Variants in TMEM79 observed in about 807,000 individuals in gnomAD.
TMEM79 encodes transmembrane protein 79.
A neutral mutation model predicts 31.2 loss-of-function variants in TMEM79; 30 were observed. That is an observed-to-expected ratio of 0.96 (90% CI 0.72 to 1.30). The LOEUF (loss-of-function observed/expected upper bound fraction) is 1.30. TMEM79 is among the 50% of genes most tolerant of loss of function. The pLI is 0.00. For missense variants in TMEM79, 509 were observed against 528.2 expected (o/e 0.96, Z 0.36); for synonymous variants, 213 against 229.5 (o/e 0.93, Z 0.65).
Position 156,285,246 on chromosome 1 carries a change from T to C in TMEM79, c.20T>C (p.Leu7Pro), listed in dbSNP as rs758140988. Residue 7 changes from leucine (L) to proline (P), a missense_variant, in exon 2 of 4, where the codon CTG (leucine) becomes CCG (proline). Transcript: ENST00000405535. Reference sequence around the variant, plus strand: ...CCCAGGATGACAGAACAGGAGACCCTGGCCCTACTGGAAGTGAAGAGGTCT... The same window carrying C: ...CCCAGGATGACAGAACAGGAGACCCCGGCCCTACTGGAAGTGAAGAGGTCT... Reference protein sequence around the residue: MTEQETLALLEVKRSDS... With the variant: MTEQETPALLEVKRSDS... 20 of 1,545,204 alleles carry C rather than the reference T, an allele frequency of 1.3e-5. No homozygotes were observed. The East Asian group carries it at 3.8e-4, about 30-fold the overall frequency.
intron 3 of TMEM79, 52 bp from the exon 4 acceptor site, chr1:156,291,333 C>T: frequency 1.6e-5 from 25 of 1,554,252 alleles, no homozygotes; most frequent in Non-Finnish European, 2.1e-5. Flanking sequence ...TATTGCCAAT[C>T]AGCTGACGCG....
At position 156,291,705 on chromosome 1, in the gene TMEM79, G is replaced by A; in HGVS notation, c.*107G>A. The A allele has an allele frequency of 2.1e-6, 2 of 973,006 alleles. No individual in the cohort carries two copies. The highest frequency in any genetic ancestry group is 3.2e-6 in the Non-Finnish European group (2 of 628,982). The allele number at this position is 973,006 out of a possible 1,614,324, so 60.3% of individuals were successfully genotyped here. A position where few individuals can be genotyped will look rare whatever the true frequency, so the allele number is the denominator to read the frequency against. On this transcript the variant is annotated 3_prime_UTR_variant, in exon 4 of 4. Transcript: ENST00000405535. ...TCGCCCCCAGGCCTAGGACCGCGGT[G>A]GGTGGAACCCTGCTACTGCCCCAAC...
intron 3 of TMEM79, among the ~76,000 whole-genome samples, chr1:156,289,233 G>A (rs962019141): frequency 6.6e-6 from 1 of 152,188 alleles, no homozygotes; most frequent in African/African-American, 2.4e-5. Flanking sequence ...CCAGCACTTT[G>A]GGAGGCCAAG....
chr1:156,289,607 G>C (rs1316782697), intron 3 of TMEM79, among the ~76,000 whole-genome samples: 2 of 152,132 alleles, frequency 1.3e-5, no homozygotes, highest in Non-Finnish European at 2.9e-5. Context: ...GCGAGACTCT[G>C]TCTCAAAAAA....
rs1558253699 is a variant in TMEM79, at chr1:156,291,546, A to C, written c.1133A>C (p.Tyr378Ser). 5 of 1,609,818 alleles carry C rather than the reference A, an allele frequency of 3.1e-6. No individual in the cohort carries two copies. The highest frequency in any genetic ancestry group is 4.2e-6 in the Non-Finnish European group (5 of 1,179,916). ...ACTGCCACCGAGAGCCGCCTGGACTACCCGGACCACGCCCGCTCGGCCTCC... is the reference window on the plus strand; with the variant it reads ...ACTGCCACCGAGAGCCGCCTGGACTCCCCGGACCACGCCCGCTCGGCCTCC... ...MLTATESRLDYPDHARSASDY... is the reference protein window; with the variant it reads ...MLTATESRLDSPDHARSASDY... The change falls in exon 4 of 4, where the codon TAC becomes TCC. Residue 378 changes from tyrosine to serine, a missense_variant. By Grantham distance (144) the Tyr-to-Ser change is moderately radical (BLOSUM62 -2). Coordinates refer to ENST00000405535, the MANE Select transcript of TMEM79 (RefSeq NM_032323.3).
upstream of TMEM79, among the ~76,000 whole-genome samples, chr1:156,283,351 C>T (rs900909386): frequency 6.6e-6 from 1 of 152,156 alleles, no homozygotes; most frequent in African/African-American, 2.4e-5. Flanking sequence ...GCTTGCATAT[C>T]TATCTCTTAC....
At position 156,291,358 on chromosome 1, in the gene TMEM79, A is replaced by T. The variant is rs1663321738; in HGVS notation, c.972-27A>T. 1.9e-6 allele frequency: 3 copies of T among 1,609,758 alleles called. No individual in the cohort carries two copies. In the East Asian group the frequency reaches 6.7e-5, roughly 36 times the overall value. On this transcript the variant is annotated intron_variant, in intron 3 of 3. Coordinates refer to ENST00000405535, the MANE Select transcript of TMEM79 (RefSeq NM_032323.3). The stretch of plus-strand genomic sequence containing the variant: ...CAGCTGACGCGCTTCCCTCGAGAGT[A>T]GCCTGACCCTTTTCTTGCCCCCATA...
At position 156,285,709 on chromosome 1, in the gene TMEM79, C is replaced by T; in HGVS notation, c.483C>T (p.Pro161=). ...AGGGCGAGTGCCGAACCTTCATGCC[C>T]CCCCGGGTCACCCACCCCGACCCCA... ...AGEGECRTFM[P]PRVTHPDPTE... The change falls in exon 2 of 4, where the codon CCC becomes CCT. Residue 161 remains proline (P), a synonymous_variant. Transcript: ENST00000405535. The T allele has an allele frequency of 6.2e-7, 1 of 1,613,386 alleles. No individual in the cohort carries two copies. The highest frequency in any genetic ancestry group is 1.1e-5 in the South Asian group (1 of 91,080).
chr1:156,291,007 G>GT, intron 3 of TMEM79: 2 of 225,634 alleles, frequency 8.9e-6, no homozygotes, highest in Admixed American at 5.1e-5. Context: ...AGGTGTGGTG[G>GT]CCCGCATCTG....
chr1:156,285,269 T>A lies in TMEM79; in HGVS notation c.43T>A (p.Ser15Thr). ...CCTGGCCCTACTGGAAGTGAAGAGGTCTGATTCCCCAGAGAAGAGCTCACC... is the reference window on the plus strand; with the variant it reads ...CCTGGCCCTACTGGAAGTGAAGAGGACTGATTCCCCAGAGAAGAGCTCACC... ...ETLALLEVKR[S>T]DSPEKSSPQA... is the part of the protein sequence containing the mutation. Residue 15 changes from serine to threonine, a missense_variant, in exon 2 of 4, where the codon TCT becomes ACT. Physicochemically the swap from Ser to Thr is moderately conservative, Grantham distance 58. Coordinates refer to ENST00000405535, the MANE Select transcript of TMEM79 (RefSeq NM_032323.3). The A allele has an allele frequency of 6.4e-7, 1 of 1,562,696 alleles. No homozygotes were observed. Among genetic ancestry groups the A allele is most frequent in the Non-Finnish European group, 8.6e-7 (1 of 1,158,460 alleles).
upstream of TMEM79, chr1:156,283,215 A>G: frequency 5.3e-6 from 1 of 189,290 alleles, no homozygotes; most frequent in Non-Finnish European, 1.1e-5. Flanking sequence ...CCCATAATTT[A>G]AACAAACAAA....
chr1:156,289,614 A>C (rs1663258331), intron 3 of TMEM79, among the ~76,000 whole-genome samples: 1 of 152,208 alleles, frequency 6.6e-6, no homozygotes, highest in South Asian at 2.1e-4. Flanking sequence ...TCTGTCTCAA[A>C]AAATAACAAG....
upstream of TMEM79, chr1:156,283,139 G>A: frequency 3.3e-6 from 1 of 300,574 alleles, no homozygotes; most frequent in African/African-American, 2.2e-5. Context: ...CCCCTTTCCC[G>A]CCTCCCCGTT....
chr1:156,290,564 G>C (rs922450540), intron 3 of TMEM79: 1 of 148,238 alleles, frequency 6.7e-6, no homozygotes, highest in Non-Finnish European at 1.5e-5. Context: ...TAGGCCAGGC[G>C]CGGTGGCTCA....
At position 156,285,918 on chromosome 1, in the gene TMEM79, C is replaced by A. The variant is rs755897802; in HGVS notation, c.692C>A (p.Thr231Asn). 6.4e-7 allele frequency: 1 copy of A among 1,570,292 alleles called. No individual in the cohort carries two copies. Among genetic ancestry groups the A allele is most frequent in the Non-Finnish European group, 8.6e-7 (1 of 1,157,436 alleles). ...FLPFDVPRLP[T>N]MSSRLIYTLR... Reference sequence around the variant, plus strand: ...CCGTTTGATGTCCCACGGCTGCCCACCATGAGTTCCCGCCTGATCTACACA... The same window carrying A: ...CCGTTTGATGTCCCACGGCTGCCCAACATGAGTTCCCGCCTGATCTACACA... Residue 231 changes from threonine (T) to asparagine (N), a missense_variant, in exon 2 of 4, where the codon ACC (threonine) becomes AAC (asparagine). Coordinates refer to ENST00000405535, the MANE Select transcript of TMEM79 (RefSeq NM_032323.3).
chr1:156,291,089 C>T, intron 3 of TMEM79: 1 of 359,324 alleles, frequency 2.8e-6, no homozygotes, highest in Non-Finnish European at 5.2e-6. Context: ...AGACTGGCAA[C>T]ATAGCAAGAC....
At chr1:156,283,902 T>C (rs1216498697), upstream of TMEM79, among the ~76,000 whole-genome samples, 1 of 152,246 alleles carries the variant, frequency 6.6e-6, no homozygotes, top group Non-Finnish European at 1.5e-5. Flanking sequence ...GCTTCTTCAT[T>C]ATGTTACCCC....
At chr1:156,289,605 C>G (rs1326381103) in intron 3 of TMEM79, among the ~76,000 whole-genome samples, 15 of 152,122 alleles carry the variant, frequency 9.9e-5, no homozygotes, top group Admixed American at 9.8e-4. Flanking sequence ...GAGCGAGACT[C>G]TGTCTCAAAA....
chr1:156,286,383 A>G lies in TMEM79; in HGVS notation c.881A>G (p.Tyr294Cys), dbSNP rs1340447124. ...VAQSVQLFIL[Y>C]FFNLAVLSTY... is the part of the protein sequence containing the mutation. ...CAGTCGGTCCAGCTCTTTATTCTCT[A>G]CTTCTTCAACCTGGCCGTGCTTTCC... The change falls in exon 3 of 4, where the codon TAC becomes TGC. Residue 294 changes from tyrosine to cysteine, a missense_variant. Physicochemically the swap from Tyr to Cys is radical, Grantham distance 194. Transcript: ENST00000405535. 3 of 1,613,870 alleles carry G rather than the reference A, an allele frequency of 1.9e-6. No homozygotes were observed. The highest frequency in any genetic ancestry group is 2.2e-5 in the East Asian group (1 of 44,894).
Sources: gnomAD v4.1 joint callset for allele counts (sites outside exome capture counted in the v4.1 genomes callset) on GRCh38, gnomAD v4.1.1 for gene constraint, MANE v1.5 for transcripts, NCBI Gene and HGNC (gene_info 2026-07-23, HGNC 2026-07-21) for gene names.